The following DGKI variants were observed in gnomAD, a reference collection of about 807,000 sequenced individuals.
DGKI encodes the protein DAG kinase iota.
A neutral mutation model predicts 147.5 loss-of-function variants in DGKI; 55 were observed. The observed-to-expected ratio is 0.37, with a 90% confidence interval of 0.30 to 0.47. The LOEUF (loss-of-function observed/expected upper bound fraction) is 0.47, where lower values mean the gene tolerates loss of function less well. DGKI is among the 20% of genes least tolerant of loss of function. The pLI, the probability that DGKI is intolerant of heterozygous loss-of-function variation, is 1.00. For synonymous variants in DGKI, 469 were observed against 477.1 expected, an observed-to-expected ratio of 0.98 and a Z score of 0.22; for missense variants, 1,007 against 1,323.8, an observed-to-expected ratio of 0.76 and a Z score of 3.71.
intron 6 of DGKI, among the ~76,000 whole-genome samples, chr7:137,629,602 T>C (rs1464685994): frequency 6.6e-6 from 1 of 152,222 alleles, no homozygotes; most frequent in East Asian, 1.9e-4. Context: ...TGAAAACTTT[T>C]TTCAGTGATA....
intron 1 of DGKI, among the ~76,000 whole-genome samples, chr7:137,809,117 A>G (rs1465920219): frequency 2.0e-5 from 3 of 152,194 alleles, no homozygotes; most frequent in African/African-American, 7.2e-5. Context: ...AAGAGGTACA[A>G]TGAGCTCAGA....
chr7:137,596,001 CAAAAAAAAAAAAAAA>C (rs71177914), intron 12 of DGKI, among the ~76,000 whole-genome samples: 43 of 44,406 alleles, frequency 9.7e-4, no homozygotes, highest in Admixed American at 2.6e-3. Context: ...GACTCCGTCT[CAAAAAAAAAAAAAAA>C]AAAAAAAAAA....
At chr7:137,576,057 T>TTTTTTA (rs1818960899) in intron 17 of DGKI, among the ~76,000 whole-genome samples, 4 of 151,024 alleles carry the variant, frequency 2.6e-5, no homozygotes, top group South Asian at 2.1e-4. Context: ...TTTTTTTTTT[T>TTTTTTA]AGACGGAGTG....
intron 1 of DGKI, among the ~76,000 whole-genome samples, chr7:137,794,348 C>A (rs192971741): frequency 2.7e-4 from 41 of 152,262 alleles, no homozygotes; most frequent in East Asian, 1.9e-4. Context: ...ACAAGAAGGA[C>A]AAGACTGTAC....
At chr7:137,831,390 G>A (rs181776478) in intron 1 of DGKI, among the ~76,000 whole-genome samples, 10 of 152,336 alleles carry the variant, frequency 6.6e-5, no homozygotes, top group Middle Eastern at 3.4e-3. Context: ...ACAGTTCCAC[G>A]TGGTTGGGGA....
intron 1 of DGKI, among the ~76,000 whole-genome samples, chr7:137,751,548 T>C (rs1212609391): frequency 6.6e-6 from 1 of 152,246 alleles, no homozygotes; most frequent in Non-Finnish European, 1.5e-5. Flanking sequence ...GTTTAGAATA[T>C]GCTTGAGTAT....
chr7:137,426,262 A>G (rs956802031), intron 28 of DGKI, among the ~76,000 whole-genome samples: 1 of 152,220 alleles, frequency 6.6e-6, no homozygotes, highest in Non-Finnish European at 1.5e-5. Context: ...CTTAAAGACA[A>G]GAATTTCCAA....
At chr7:137,574,644 A>G (rs1818909224) in intron 17 of DGKI, among the ~76,000 whole-genome samples, 1 of 152,166 alleles carries the variant, frequency 6.6e-6, no homozygotes, top group African/African-American at 2.4e-5. Flanking sequence ...TTTATATATT[A>G]TTGCAATAAA....
chr7:137,835,652 T>G (rs1352006034), intron 1 of DGKI, among the ~76,000 whole-genome samples: 1 of 152,126 alleles, frequency 6.6e-6, no homozygotes, highest in East Asian at 1.9e-4. Flanking sequence ...TGTTTTCATG[T>G]GTACAGGAAG....
At chr7:137,410,371 C>T (rs144299757) in intron 29 of DGKI, among the ~76,000 whole-genome samples, 2,461 of 152,274 alleles carry the variant, frequency 0.016, 66 homozygotes, top group African/African-American at 0.056. Flanking sequence ...TGCCACTGCA[C>T]TCCAGCCTGG....
chr7:137,464,063 G>A (rs1227176068), intron 26 of DGKI, among the ~76,000 whole-genome samples: 1 of 151,934 alleles, frequency 6.6e-6, no homozygotes, highest in Non-Finnish European at 1.5e-5. Context: ...CAAGGCCAAA[G>A]CATTTGGCCA....
rs73462618 is a variant in DGKI, at chr7:137,740,621, C to A, written c.402-50619G>T. On this transcript the variant is annotated intron_variant, in intron 1 of 32. Transcript: ENST00000614521. ...CAATACTTTTAATCCCCTCCCCTAC[C>A]CGATATCCCCGCACAAAAACAACCA... Among the ~76,000 whole-genome samples, 1,362 of 152,282 alleles carry A rather than the reference C, an allele frequency of 8.9e-3. 19 individuals are homozygous for A. Among genetic ancestry groups the A allele is most frequent in the African/African-American group, 0.031 (1,288 of 41,566 alleles).
At chr7:137,453,320 G>A (rs1214413429) in intron 27 of DGKI, 1 of 152,140 alleles carries the variant, frequency 6.6e-6, no homozygotes, top group East Asian at 1.9e-4. Flanking sequence ...TCATTTGGAG[G>A]ACCCAAGGGA....
intron 6 of DGKI, among the ~76,000 whole-genome samples, chr7:137,632,741 C>G (rs187037093): frequency 6.6e-6 from 1 of 152,222 alleles, no homozygotes. Flanking sequence ...CGCCTGTAGT[C>G]CCAGCTACTC....
At position 137,809,076 on chromosome 7, in the gene DGKI, GATACAGCTAACATGAGTGAGAAC is replaced by G. The variant is rs61160165; in HGVS notation, c.401+37363_401+37385del. ...TTTGACAAGCTTCCTTGATGATTCA[GATACAGCTAACATGAGTGAGAAC>G]ATGGCTGAAGAGGTACAATGAGCTC... On this transcript the variant is annotated intron_variant, in intron 1 of 32. Coordinates refer to ENST00000614521, the MANE Select transcript of DGKI (RefSeq NM_001321708.2). Among the ~76,000 whole-genome samples, 1,262 of 152,272 alleles carry G rather than the reference GATACAGCTAACATGAGTGAGAAC, an allele frequency of 8.3e-3. 17 individuals are homozygous for G. The highest frequency in any genetic ancestry group is 0.029 in the African/African-American group (1,203 of 41,558).
intron 1 of DGKI, among the ~76,000 whole-genome samples, chr7:137,834,315 C>T (rs945715850): frequency 2.0e-5 from 3 of 152,146 alleles, no homozygotes; most frequent in East Asian, 3.8e-4. Flanking sequence ...ATATTGGGTT[C>T]GTATAACACA....
chr7:137,561,755 CAG>C (rs1353543003), intron 19 of DGKI, among the ~76,000 whole-genome samples: 3 of 151,478 alleles, frequency 2.0e-5, no homozygotes, highest in Admixed American at 2.0e-4. Flanking sequence ...ATCTCAAGAA[CAG>C]AGAAAAAAAG....
At chr7:137,577,351 A>C in intron 16 of DGKI, 67 bp from the exon 17 acceptor site, 2 of 1,099,342 alleles carry the variant, frequency 1.8e-6, no homozygotes, top group Non-Finnish European at 2.7e-6. Flanking sequence ...CCTTGCTTCC[A>C]TATCCTAGAT....
chr7:137,457,117 G>A (rs1344036206), intron 27 of DGKI, among the ~76,000 whole-genome samples: 1 of 152,142 alleles, frequency 6.6e-6, no homozygotes, highest in Non-Finnish European at 1.5e-5. Context: ...TATTTTTCCA[G>A]CTGGAATGAG....
Sources: allele counts gnomAD v4.1 joint callset (sites outside exome capture counted in the v4.1 genomes callset), GRCh38; gene constraint gnomAD v4.1.1; transcripts MANE v1.5; gene names NCBI Gene and HGNC (gene_info 2026-07-23, HGNC 2026-07-21).